The following WASL variants were observed in gnomAD, a reference collection of about 807,000 sequenced individuals.
The protein encoded by WASL is WASP like actin nucleation promoting factor.
In WASL, 20 loss-of-function variants were observed where a neutral mutation model predicts 55.5. The ratio of observed to expected loss-of-function variants is 0.36; its 90% CI spans 0.25 to 0.52. WASL has a LOEUF of 0.52. WASL is among the 20% of genes least tolerant of loss of function. WASL has a pLI of 0.92. For synonymous variants in WASL, 249 were observed against 217.6 expected (o/e 1.14, Z -1.27); for missense variants, 504 against 622.5 (o/e 0.81, Z 2.03).
chr7:123,733,089 C>T (rs1004527117), intron 1 of WASL, among the ~76,000 whole-genome samples: 4 of 152,152 alleles, frequency 2.6e-5, no homozygotes, highest in Admixed American at 2.6e-4. Flanking sequence ...ACTGTTCCTC[C>T]CCTAATACTG....
chr7:123,740,474 A>G (rs1033269118), intron 1 of WASL, among the ~76,000 whole-genome samples: 1 of 152,188 alleles, frequency 6.6e-6, no homozygotes, highest in African/African-American at 2.4e-5. Context: ...GTATTACACT[A>G]TATTTATGAA....
chr7:123,715,540 G>A (rs1176228109), intron 1 of WASL, among the ~76,000 whole-genome samples: 1 of 152,172 alleles, frequency 6.6e-6, no homozygotes, highest in Non-Finnish European at 1.5e-5. Context: ...ATAAGAAATG[G>A]CTCCACGTCT....
chr7:123,727,446 A>G (rs1307665379), intron 1 of WASL, among the ~76,000 whole-genome samples: 2 of 152,114 alleles, frequency 1.3e-5, no homozygotes, highest in Admixed American at 1.3e-4. Flanking sequence ...TCAAATATCC[A>G]TTAACAGAAG....
At chr7:123,686,028 C>A (rs1164577815) in intron 10 of WASL, among the ~76,000 whole-genome samples, 2 of 150,802 alleles carry the variant, frequency 1.3e-5, no homozygotes, top group East Asian at 3.9e-4. Flanking sequence ...GAACACAGAA[C>A]AATCTTTTTC....
At chr7:123,726,874 A>G (rs1481314510) in intron 1 of WASL, among the ~76,000 whole-genome samples, 1 of 152,032 alleles carries the variant, frequency 6.6e-6, no homozygotes, top group Non-Finnish European at 1.5e-5. Flanking sequence ...TCAAATAATA[A>G]TAATAATAAT....
chr7:123,734,428 A>G (rs760116916), intron 1 of WASL, among the ~76,000 whole-genome samples: 3 of 152,134 alleles, frequency 2.0e-5, no homozygotes, highest in African/African-American at 7.2e-5. Flanking sequence ...GCAATGAGAT[A>G]TGATAGCAAA....
At chr7:123,700,380 G>C (rs1803568132) in intron 5 of WASL, among the ~76,000 whole-genome samples, 2 of 151,730 alleles carry the variant, frequency 1.3e-5, no homozygotes, top group Admixed American at 1.3e-4. Flanking sequence ...ATTAGTGACA[G>C]AAGCAAAAGT....
At chr7:123,728,567 C>G (rs147252548) in intron 1 of WASL, among the ~76,000 whole-genome samples, 1 of 152,114 alleles carries the variant, frequency 6.6e-6, no homozygotes, top group Non-Finnish European at 1.5e-5. Flanking sequence ...GTCAGCCGGG[C>G]GCAGCGGCTC....
chr7:123,741,803 C>T (rs1804346586), intron 1 of WASL, among the ~76,000 whole-genome samples: 1 of 152,110 alleles, frequency 6.6e-6, no homozygotes, highest in Non-Finnish European at 1.5e-5. Context: ...TACTGATACA[C>T]ATGGTAGGAA....
At chr7:123,700,189 AAAAAAAAAAAAAAAAAAAC>A (rs1803560101) in intron 5 of WASL, among the ~76,000 whole-genome samples, 2 of 113,168 alleles carry the variant, frequency 1.8e-5, no homozygotes, top group East Asian at 2.6e-4. Context: ...AAAAAAAAAA[AAAAAAAAAAAAAAAAAAAC>A]AACATTATTT....
In WASL at chr7:123,727,967, TTAATG is replaced by T. The variant is rs370730809; in HGVS notation, c.118-18749_118-18745del. ...AGAAAGCTCTTATAAACAATAAACATTAATGTAACCTTACTTGCTTTATTTGAAAA... is the reference window on the plus strand; with the variant it reads ...AGAAAGCTCTTATAAACAATAAACATTAACCTTACTTGCTTTATTTGAAAA... On this transcript the variant is annotated intron_variant, in intron 1 of 10. Transcript: ENST00000223023. Among the ~76,000 whole-genome samples, 690 of 152,336 alleles carry T rather than the reference TTAATG, an allele frequency of 4.5e-3. 6 individuals are homozygous for T. Among genetic ancestry groups the T allele is most frequent in the African/African-American group, 0.016 (674 of 41,580 alleles).
chr7:123,697,518 T>A (rs960501471), intron 5 of WASL, among the ~76,000 whole-genome samples: 2 of 152,158 alleles, frequency 1.3e-5, no homozygotes, highest in African/African-American at 2.4e-5. Context: ...AACTGAAAAA[T>A]TTCTTAAAAA....
intron 1 of WASL, among the ~76,000 whole-genome samples, chr7:123,737,456 C>T (rs1386978117): frequency 2.0e-5 from 3 of 151,770 alleles, no homozygotes; most frequent in African/African-American, 7.3e-5. Context: ...GTTAGCTGGG[C>T]GTGGTGGTGC....
In WASL at chr7:123,734,964, A is replaced by C. The variant is rs555402403; in HGVS notation, c.117+13654T>G. Among the ~76,000 whole-genome samples, 6 of 152,222 alleles carry C rather than the reference A, an allele frequency of 3.9e-5. No individual in the cohort carries two copies. The East Asian group carries it at 1.2e-3, about 29-fold the overall frequency. On this transcript the variant is annotated intron_variant, in intron 1 of 10. Transcript: ENST00000223023. Reference sequence around the variant, plus strand: ...TCCTGTAAATGTAAAACTGCTCTAAAAAATAAGATTTCATTTTTTAAAAAA... The same window carrying C: ...TCCTGTAAATGTAAAACTGCTCTAACAAATAAGATTTCATTTTTTAAAAAA...
At chr7:123,699,422 A>G (rs963357749) in intron 5 of WASL, among the ~76,000 whole-genome samples, 1 of 152,242 alleles carries the variant, frequency 6.6e-6, no homozygotes, top group Non-Finnish European at 1.5e-5. Context: ...CTTTATTCAT[A>G]TGACTTTTCC....
chr7:123,717,505 T>G (rs1262644275), intron 1 of WASL, among the ~76,000 whole-genome samples: 1 of 152,200 alleles, frequency 6.6e-6, no homozygotes, highest in African/African-American at 2.4e-5. Context: ...ACATGATGCA[T>G]CCGGACTCAA....
chr7:123,692,986 T>C, intron 8 of WASL, 119 bp from the exon 9 acceptor site: 3 of 1,252,944 alleles, frequency 2.4e-6, no homozygotes, highest in Non-Finnish European at 3.1e-6. Flanking sequence ...GGTCTCATCT[T>C]TGCATTTTAT....
chr7:123,732,194 G>A (rs1045480048), intron 1 of WASL, among the ~76,000 whole-genome samples: 4 of 152,148 alleles, frequency 2.6e-5, no homozygotes, highest in Non-Finnish European at 4.4e-5. Flanking sequence ...GCCGGGTGTG[G>A]TGGCGGACGC....
intron 4 of WASL, among the ~76,000 whole-genome samples, 181 bp downstream of exon 4, chr7:123,706,096 A>C (rs1173318560): frequency 6.6e-6 from 1 of 152,184 alleles, no homozygotes; most frequent in Non-Finnish European, 1.5e-5. Flanking sequence ...TTTGAGGACC[A>C]TATATCACTG....
Sources: gnomAD v4.1 joint callset for allele counts (sites outside exome capture counted in the v4.1 genomes callset) on GRCh38, gnomAD v4.1.1 for gene constraint, MANE v1.5 for transcripts, NCBI Gene and HGNC (gene_info 2026-07-23, HGNC 2026-07-21) for gene names.